The following TMX4 variants were observed in gnomAD, a reference collection of about 807,000 sequenced individuals.
The protein encoded by TMX4 is thioredoxin-related transmembrane protein 4.
In TMX4, 23 loss-of-function variants were observed where a neutral mutation model predicts 33.3. The observed-to-expected ratio is 0.69, with a 90% CI of 0.50 to 0.98. TMX4 has a LOEUF of 0.98. Ranked by LOEUF, TMX4 falls within the 50% of genes least tolerant of loss-of-function variation. The probability of loss-of-function intolerance (pLI) is 0.00; values close to 1 mark genes in which losing one functional copy is unlikely to be tolerated. For synonymous variants in TMX4, 164 were observed against 161.5 expected (o/e 1.02, Z -0.12); for missense variants, 399 against 448.9 (o/e 0.89, Z 1.01).
intron 2 of TMX4, among the ~76,000 whole-genome samples, chr20:8,004,033 A>G (rs992471107): frequency 1.3e-5 from 2 of 152,022 alleles, no homozygotes; most frequent in Admixed American, 6.6e-5. Flanking sequence ...AGTAAAATCA[A>G]CAACAACAAG....
intron 6 of TMX4, among the ~76,000 whole-genome samples, chr20:7,985,692 T>C (rs2050628364): frequency 6.6e-6 from 1 of 152,216 alleles, no homozygotes; most frequent in African/African-American, 2.4e-5. Context: ...ATTTCGTTAA[T>C]AAAGTTAATA....
chr20:7,986,519 T>C (rs765537529), intron 6 of TMX4, among the ~76,000 whole-genome samples: 1 of 152,228 alleles, frequency 6.6e-6, no homozygotes, highest in Non-Finnish European at 1.5e-5. Context: ...ATTCCCATTA[T>C]AGTGTTTAGG....
In TMX4 at chr20:7,977,677, T is replaced by C. The variant is rs1481538476; in HGVS notation, c.*4574A>G. On this transcript the variant is annotated 3_prime_UTR_variant, in exon 8 of 8. Coordinates refer to ENST00000246024, the MANE Select transcript of TMX4 (RefSeq NM_021156.4). ...AGAAAAATAATTAGGTTCATTAGGCTAAGACTAATACCAGTAATATAAACA... is the reference window on the plus strand; with the variant it reads ...AGAAAAATAATTAGGTTCATTAGGCCAAGACTAATACCAGTAATATAAACA... 1.3e-5 allele frequency: 2 copies of C among 151,996 alleles called. No homozygotes were observed. The highest frequency in any genetic ancestry group is 2.1e-4 in the South Asian group (1 of 4,832). The allele number at this position is 151,996 out of a possible 1,614,324, so 9.4% of individuals were successfully genotyped here.
At chr20:7,987,486 C>A (rs1019939894) in intron 5 of TMX4, 97 bp from the exon 6 acceptor site, 45 of 773,586 alleles carry the variant, frequency 5.8e-5, no homozygotes, top group Non-Finnish European at 7.3e-5. Flanking sequence ...TACATAGGTT[C>A]CCACAAAGCT....
intron 7 of TMX4, among the ~76,000 whole-genome samples, chr20:7,983,119 C>T (rs2050616377): frequency 1.3e-5 from 2 of 152,206 alleles, no homozygotes; most frequent in African/African-American, 4.8e-5. Flanking sequence ...GTGCTTGAAG[C>T]TAGAATGTCC....
intron 4 of TMX4, among the ~76,000 whole-genome samples, chr20:7,997,814 A>C (rs1156472878): frequency 6.6e-6 from 1 of 152,236 alleles, no homozygotes; most frequent in Admixed American, 6.5e-5. Flanking sequence ...AATTGTAAGC[A>C]TTATTCCTAA....
rs1281556195 is a variant in TMX4 at position 7,999,721 on chromosome 20, A to C, written c.467+11T>G. ...TTATTAGTAACACCTTGTCTTAAAAAATTGAGTTACGTTAGAGAAGCCGGG... is the reference window on the plus strand; with the variant it reads ...TTATTAGTAACACCTTGTCTTAAAACATTGAGTTACGTTAGAGAAGCCGGG... On this transcript the variant is annotated intron_variant, in intron 4 of 7. Coordinates refer to ENST00000246024, the MANE Select transcript of TMX4 (RefSeq NM_021156.4). 1.1e-5 allele frequency: 18 copies of C among 1,607,038 alleles called. No homozygotes were observed. The highest frequency in any genetic ancestry group is 1.3e-5 in the Non-Finnish European group (15 of 1,178,110).
intron 2 of TMX4, among the ~76,000 whole-genome samples, chr20:8,009,861 T>TAAAA (rs11289988): frequency 1.5e-4 from 13 of 84,624 alleles, no homozygotes; most frequent in Admixed American, 3.6e-4. Flanking sequence ...CAAAAAACTG[T>TAAAA]AAAAAAAAAA....
At chr20:8,007,443 G>A (rs1322645313) in intron 2 of TMX4, among the ~76,000 whole-genome samples, 5 of 152,092 alleles carry the variant, frequency 3.3e-5, no homozygotes, top group African/African-American at 9.7e-5. Context: ...CTGATCCCCT[G>A]TAGTCAATTT....
chr20:7,984,680 G>A (rs910998633), intron 6 of TMX4, among the ~76,000 whole-genome samples: 1 of 152,094 alleles, frequency 6.6e-6, no homozygotes, highest in Non-Finnish European at 1.5e-5. Context: ...GGGGTACAAT[G>A]TGATGTTTCA....
At chr20:7,993,196 C>T (rs77103021) in intron 5 of TMX4, among the ~76,000 whole-genome samples, 2,273 of 152,312 alleles carry the variant, frequency 0.015, 23 homozygotes, top group South Asian at 0.021. Context: ...AGCCATTCTA[C>T]GTCTTTCCTT....
chr20:8,000,595 C>A (rs1370335062), intron 3 of TMX4, among the ~76,000 whole-genome samples: 1 of 152,162 alleles, frequency 6.6e-6, no homozygotes, highest in Non-Finnish European at 1.5e-5. Context: ...ATTACTTCTC[C>A]ATTTCCTTCA....
chr20:7,983,069 A>G (rs1448458942), intron 7 of TMX4, among the ~76,000 whole-genome samples: 2 of 152,234 alleles, frequency 1.3e-5, no homozygotes, highest in East Asian at 1.9e-4. Context: ...GCTCTTATGA[A>G]TAAGCCACAC....
intron 1 of TMX4, among the ~76,000 whole-genome samples, chr20:8,016,269 G>A (rs559021492): frequency 6.6e-6 from 1 of 152,276 alleles, no homozygotes; most frequent in African/African-American, 2.4e-5. Context: ...CTACTTGGGA[G>A]GCTGAGGCAG....
At chr20:7,997,058 AAC>A (rs1239227986) in intron 4 of TMX4, among the ~76,000 whole-genome samples, 1 of 152,064 alleles carries the variant, frequency 6.6e-6, no homozygotes, top group Non-Finnish European at 1.5e-5. Flanking sequence ...CTTCTTCTTG[AAC>A]ACTCATTTGG....
In TMX4 at chr20:7,985,725, T is replaced by A. The variant is rs533113723; in HGVS notation, c.615+1563A>T. On this transcript the variant is annotated intron_variant, in intron 6 of 7. Transcript: ENST00000246024. ...ATAATATTTTGTTAAATAAAGTTAT[T>A]TTCTTATTAAGGAAGGGTAGTCTAT... is the stretch of plus-strand genomic sequence containing the variant. Among the ~76,000 whole-genome samples, 26 of 152,312 alleles carry A rather than the reference T, an allele frequency of 1.7e-4. No individual in the cohort carries two copies. In the East Asian group the frequency reaches 5.0e-3, roughly 29 times the overall value.
intron 1 of TMX4, chr20:8,019,051 C>A: frequency 2.2e-6 from 1 of 452,832 alleles, no homozygotes; most frequent in Middle Eastern, 3.2e-4. Flanking sequence ...TAAAAGCACA[C>A]GGTTTGCTTG....
Position 7,979,285 on chromosome 20 carries a change from T to C in TMX4, c.*2966A>G, listed in dbSNP as rs1447405593. On this transcript the variant is annotated 3_prime_UTR_variant, in exon 8 of 8. Coordinates refer to ENST00000246024, the MANE Select transcript of TMX4 (RefSeq NM_021156.4). Reference sequence around the variant, plus strand: ...AATCTTCAAGTGGAAAGATATTAAATTAAATTTTGTTGGAAAAAAACCCAT... The same window carrying C: ...AATCTTCAAGTGGAAAGATATTAAACTAAATTTTGTTGGAAAAAAACCCAT... 6.6e-6 allele frequency: 1 copy of C among 152,092 alleles called. No individual in the cohort carries two copies. Among genetic ancestry groups the C allele is most frequent in the Non-Finnish European group, 1.5e-5 (1 of 68,012 alleles). The allele number at this position is 152,092 out of a possible 1,614,324, so 9.4% of individuals were successfully genotyped here.
At position 7,983,846 on chromosome 20, in the gene TMX4, TACC is replaced by T; in HGVS notation, c.624_626del (p.Val209del). 1 of 1,613,550 alleles carries T rather than the reference TACC, an allele frequency of 6.2e-7. No individual in the cohort carries two copies. ...GTGGCACATAGAAACATTCTGATAT[TACC>T]ACCAAGACCTGGAAGGAAAAAAGTG... On this transcript the variant is annotated inframe_deletion, in exon 7 of 8. Coordinates refer to ENST00000246024, the MANE Select transcript of TMX4 (RefSeq NM_021156.4).
Sources: allele counts gnomAD v4.1 joint callset (sites outside exome capture counted in the v4.1 genomes callset), GRCh38; gene constraint gnomAD v4.1.1; transcripts MANE v1.5; gene names NCBI Gene and HGNC (gene_info 2026-07-23, HGNC 2026-07-21).